Variants in HHATL observed in about 807,000 individuals in gnomAD.
HHATL encodes the protein hedgehog acyltransferase like, also known as protein-cysteine N-palmitoyltransferase HHAT-like protein.
HHATL carries 49 observed loss-of-function variants against 59.7 expected under a neutral mutation model. That is an observed-to-expected ratio of 0.82 (90% confidence interval 0.65 to 1.04). The LOEUF (loss-of-function observed/expected upper bound fraction) is 1.04. Among genes scored for constraint, HHATL ranks in the 50% least tolerant of loss-of-function variants. The probability of loss-of-function intolerance (pLI) is 0.00; values close to 1 mark genes in which losing one functional copy is unlikely to be tolerated. For synonymous variants in HHATL, 238 were observed against 257.3 expected (o/e 0.93, Z 0.72); for missense variants, 605 against 650.8 (o/e 0.93, Z 0.77).
In HHATL at chr3:42,697,016, T is replaced by C. The variant is rs1697649253; in HGVS notation, c.995A>G (p.Tyr332Cys). 2 of 1,605,536 alleles carry C rather than the reference T, an allele frequency of 1.2e-6. No individual in the cohort carries two copies. The highest frequency in any genetic ancestry group is 1.7e-6 in the Non-Finnish European group (2 of 1,175,094). The change falls in exon 8 of 12, where the codon TAC becomes TGC. Residue 332 changes from tyrosine to cysteine, a missense_variant. By Grantham distance (194) the Tyr-to-Cys change is radical. Coordinates refer to ENST00000441594, the MANE Select transcript of HHATL (RefSeq NM_020707.4). Reference sequence around the variant, plus strand: ...CAGCACTCACGTTTCCGCAAAGACGTAGAGTGCGGTGATGCACTTGGGAGG... The same window carrying C: ...CAGCACTCACGTTTCCGCAAAGACGCAGAGTGCGGTGATGCACTTGGGAGG... ...PQPPKCITAL[Y>C]VFAETHFDRG... is the part of the protein sequence containing the mutation.
intron 1 of HHATL, among the ~76,000 whole-genome samples, 167 bp downstream of exon 1, chr3:42,702,412 G>A (rs1036456267): frequency 6.6e-6 from 1 of 152,244 alleles, no homozygotes; most frequent in Admixed American, 6.5e-5. Flanking sequence ...CCCCAGACCA[G>A]GGCTGGCCTG....
rs1479826553 is a variant in HHATL at position 42,696,869 on chromosome 3, T to C, written c.1019A>G (p.Asp340Gly). ...ALYVFAETHF[D>G]RGINDWLCKY... ...GCAAAGCCAGTCGTTGATGCCACGG[T>C]CAAAGTGCCTGTAAGAGGAAAGCAG... The change falls in exon 9 of 12, where the codon GAC (aspartate) becomes GGC (glycine). Residue 340 changes from aspartate (D) to glycine (G), a missense_variant. Coordinates refer to ENST00000441594, the MANE Select transcript of HHATL (RefSeq NM_020707.4). 1.2e-6 allele frequency: 2 copies of C among 1,614,096 alleles called. No individual in the cohort carries two copies.
At chr3:42,697,433 T>C (rs1697677542) in intron 7 of HHATL, 75 bp downstream of exon 7, 1 of 1,497,372 alleles carries the variant, frequency 6.7e-7, no homozygotes, top group Admixed American at 1.8e-5. Flanking sequence ...CCCCTGACTG[T>C]GGCACCGTGG....
intron 3 of HHATL, 149 bp downstream of exon 3, chr3:42,699,609 G>C (rs982505419): frequency 4.6e-6 from 3 of 659,326 alleles, no homozygotes; most frequent in Admixed American, 5.6e-5. Context: ...GAGGATACAG[G>C]AGGGGCCAGT....
chr3:42,696,477 G>T (rs953320977), intron 9 of HHATL, among the ~76,000 whole-genome samples: 3 of 152,148 alleles, frequency 2.0e-5, no homozygotes, highest in African/African-American at 7.2e-5. Context: ...ATGTCTCCTA[G>T]ATTGCGACTA....
At position 42,699,815 on chromosome 3, in the gene HHATL, G is replaced by T. The variant is rs768752357; in HGVS notation, c.117C>A (p.His39Gln). The T allele has an allele frequency of 6.4e-7, 1 of 1,564,524 alleles. No homozygotes were observed. Among genetic ancestry groups the T allele is most frequent in the South Asian group, 1.2e-5 (1 of 84,862 alleles). The change falls in exon 3 of 12, where the codon CAC becomes CAA. Residue 39 changes from histidine (H) to glutamine (Q), a missense_variant. Coordinates refer to ENST00000441594, the MANE Select transcript of HHATL (RefSeq NM_020707.4). ...GLLEASQDGA[H>Q]RKAFRESVRP... ...GCACAGACTCCCGGAAGGCCTTCCT[G>T]TGGGCCCCATCTGAGAACAGAGTGT...
Position 42,693,667 on chromosome 3 carries a change from C to T in HHATL, c.1198G>A (p.Glu400Lys), listed in dbSNP as rs1162685153. 1 of 1,614,022 alleles carries T rather than the reference C, an allele frequency of 6.2e-7. No homozygotes were observed. Among genetic ancestry groups the T allele is most frequent in the East Asian group, 2.2e-5 (1 of 44,890 alleles). ...SFLNCFGLNF[E>K]LWMQKLAEWG... is the part of the protein sequence containing the mutation. ...TCTGCCAGTTTTTGCATCCAGAGCT[C>T]AAAGTTGAGGCCAAAGCAGTTAAGG... Residue 400 changes from glutamate to lysine, a missense_variant, in exon 10 of 12, where the codon GAG (glutamate) becomes AAG (lysine). By Grantham distance (56) the Glu-to-Lys change is moderately conservative. Coordinates refer to ENST00000441594, the MANE Select transcript of HHATL (RefSeq NM_020707.4).
At chr3:42,696,747 G>A (rs1019255710) in intron 9 of HHATL, 95 bp downstream of exon 9, 2 of 1,365,916 alleles carry the variant, frequency 1.5e-6, no homozygotes, top group East Asian at 2.5e-5. Flanking sequence ...CCCTGGCCCA[G>A]GGGTGATCTT....
chr3:42,701,375 C>A lies in HHATL; in HGVS notation c.-13-536G>T, dbSNP rs1416413168. The A allele has an allele frequency of 6.5e-6, 1 of 154,404 alleles. No homozygotes were observed. The allele number at this position is 154,404 out of a possible 1,614,324, so 9.6% of individuals were successfully genotyped here. ...CCCAGGTGCTGCCCCTAGAGCCAAG[C>A]CTCCATCCTCGCATTAAGCCTCCAG... is the stretch of plus-strand genomic sequence containing the variant. On this transcript the variant is annotated intron_variant, in intron 1 of 11. Coordinates refer to ENST00000441594, the MANE Select transcript of HHATL (RefSeq NM_020707.4). This position sits in a 1 kb window ranked among gnomAD's most constrained non-coding sequence, Gnocchi z 5.1.
Position 42,697,378 on chromosome 3 carries a change from C to T in HHATL, c.865+130G>A, listed in dbSNP as rs568448828. The T allele has an allele frequency of 2.1e-5, 24 of 1,158,202 alleles. No individual in the cohort carries two copies. In the East Asian group the frequency reaches 5.2e-4, roughly 25 times the overall value. The allele number at this position is 1,158,202 out of a possible 1,614,324, so 71.7% of individuals were successfully genotyped here. A position where few individuals can be genotyped will look rare whatever the true frequency, so the allele number is the denominator to read the frequency against. On this transcript the variant is annotated intron_variant, in intron 7 of 11. Transcript: ENST00000441594. The stretch of plus-strand genomic sequence containing the variant: ...GACCCATGCATTAGAAAGAATAAGC[C>T]CCTGCTCCCACGCCCTCAGGTGCTG...
In HHATL at chr3:42,699,745, G is replaced by A. The variant is rs761980177; in HGVS notation, c.174+13C>T. 1.5e-5 allele frequency: 24 copies of A among 1,573,918 alleles called. No individual in the cohort carries two copies. In the South Asian group the frequency reaches 2.7e-4, roughly 18 times the overall value. On this transcript the variant is annotated intron_variant, in intron 3 of 11. Transcript: ENST00000441594. ...TTCGGGATGGGAGGGACCCTGGGATGTGGGGGACCTACCATCTTCCGGCCA... is the reference window on the plus strand; with the variant it reads ...TTCGGGATGGGAGGGACCCTGGGATATGGGGGACCTACCATCTTCCGGCCA...
At position 42,701,130 on chromosome 3, in the gene HHATL, A is replaced by G. The variant is rs1697963181; in HGVS notation, c.-13-291T>C. 2.6e-6 allele frequency: 1 copy of G among 384,850 alleles called. No homozygotes were observed. The highest frequency in any genetic ancestry group is 4.8e-6 in the Non-Finnish European group (1 of 208,254). 23.8% of individuals were successfully genotyped at this position (384,850 alleles called of 1,614,324 possible). A position where few individuals can be genotyped will look rare whatever the true frequency, so the allele number is the denominator to read the frequency against. ...CCCTCACCTTCATTTACATCTTCAT[A>G]CCTTCCAGAGGCACCGGCCCCACCC... On this transcript the variant is annotated intron_variant, in intron 1 of 11. Transcript: ENST00000441594. The surrounding 1 kb of genome is among the most constrained non-coding windows in gnomAD (Gnocchi z 5.1).
In HHATL at chr3:42,693,707, G is replaced by A. The variant is rs1209693921; in HGVS notation, c.1158C>T (p.Val386=). 5.0e-6 allele frequency: 8 copies of A among 1,614,088 alleles called. No individual in the cohort carries two copies. The highest frequency in any genetic ancestry group is 4.2e-6 in the Non-Finnish European group (5 of 1,180,054). The part of the protein sequence containing the change: ...TTLWLGPCDI[V]YLWSFLNCFG... ...AGCAGTTAAGGAATGACCACAGGTA[G>A]ACAATGTCACAAGGCCCAAGCCACA... The change falls in exon 10 of 12, where the codon GTC becomes GTT. Residue 386 remains valine, a synonymous_variant. Transcript: ENST00000441594.
At chr3:42,693,557 G>A in intron 10 of HHATL, 60 bp downstream of exon 10, 1 of 1,425,332 alleles carries the variant, frequency 7.0e-7, no homozygotes, top group Admixed American at 1.9e-5. Flanking sequence ...CCAGAAAGCA[G>A]CAGTGCCCCC....
At chr3:42,693,565 C>CA in intron 10 of HHATL, 52 bp downstream of exon 10, 1 of 1,499,172 alleles carries the variant, frequency 6.7e-7, no homozygotes, top group Non-Finnish European at 9.2e-7. Context: ...CAGCAGTGCC[C>CA]CCCCGCCCTC....
Position 42,700,850 on chromosome 3 carries a change from A to G in HHATL, c.-13-11T>C. 6.4e-7 allele frequency: 1 copy of G among 1,569,016 alleles called. No homozygotes were observed. Among genetic ancestry groups the G allele is most frequent in the East Asian group, 2.2e-5 (1 of 44,598 alleles). On this transcript the variant is annotated splice_polypyrimidine_tract_variant and intron_variant, in intron 1 of 11. Coordinates refer to ENST00000441594, the MANE Select transcript of HHATL (RefSeq NM_020707.4). ...ATAGCCTGGACAGGGCTGGGGAGACAGGTTGGGTGAGGGAATTACAGTCTC... is the reference window on the plus strand; with the variant it reads ...ATAGCCTGGACAGGGCTGGGGAGACGGGTTGGGTGAGGGAATTACAGTCTC...
At chr3:42,695,112 A>G (rs1157786349) in intron 9 of HHATL, among the ~76,000 whole-genome samples, 2 of 152,004 alleles carry the variant, frequency 1.3e-5, no homozygotes, top group African/African-American at 4.8e-5. Context: ...CTCATTTCCA[A>G]TGGCTTTTTC....
At position 42,696,831 on chromosome 3, in the gene HHATL, C is replaced by T. The variant is rs914520010; in HGVS notation, c.1046+11G>A. On this transcript the variant is annotated intron_variant, in intron 9 of 11. Transcript: ENST00000441594. The stretch of plus-strand genomic sequence containing the variant: ...GATGGCTGTGACCACCCCCACCCCA[C>T]TCCTACTCACTTGCAAAGCCAGTCG... 1.9e-6 allele frequency: 3 copies of T among 1,613,908 alleles called. No homozygotes were observed. The East Asian group carries it at 6.7e-5, about 36-fold the overall frequency.
rs762936316 is a variant in HHATL at position 42,699,098 on chromosome 3, G to A, written c.222C>T (p.Asn74=). The change falls in exon 4 of 12, where the codon AAC becomes AAT. Residue 74 remains asparagine, a synonymous_variant. Coordinates refer to ENST00000441594, the MANE Select transcript of HHATL (RefSeq NM_020707.4). ...EWVMWFTSFR[N]VIIFALSGHV... is the part of the protein sequence containing the mutation. ...GTCCGGAGAGGGCAAAGATGATGAC[G>A]TTGCGAAAGGAGGTGAACCACATCA... 4.3e-5 allele frequency: 70 copies of A among 1,613,960 alleles called. No homozygotes were observed. Among genetic ancestry groups the A allele is most frequent in the Middle Eastern group, 1.6e-4 (1 of 6,084 alleles).
Sources: gnomAD v4.1 joint callset for allele counts (sites outside exome capture counted in the v4.1 genomes callset) on GRCh38, gnomAD v4.1.1 for gene constraint, Gnocchi (gnomAD v3.1) non-coding constraint, MANE v1.5 for transcripts, NCBI Gene and HGNC (gene_info 2026-07-23, HGNC 2026-07-21) for gene names.